FOXP1: variants seen among roughly 807,000 people sequenced by gnomAD.
FOXP1 encodes the protein forkhead box P1.
A neutral mutation model predicts 98.2 loss-of-function variants in FOXP1; 15 were observed. The ratio of observed to expected loss-of-function variants is 0.15; its 90% CI spans 0.10 to 0.24. The LOEUF (loss-of-function observed/expected upper bound fraction) is 0.24, where lower values mean the gene tolerates loss of function less well. FOXP1 is among the 10% of genes least tolerant of loss of function. FOXP1 has a pLI of 1.00. For missense variants in FOXP1, 633 were observed against 848.5 expected, an observed-to-expected ratio of 0.75 and a Z score of 3.15; for synonymous variants, 371 against 314.5, an observed-to-expected ratio of 1.18 and a Z score of -1.90.
chr3:71,550,426 G>T (rs74533049), intron 2 of FOXP1, among the ~76,000 whole-genome samples: 81 of 152,190 alleles, frequency 5.3e-4, no homozygotes, highest in Admixed American at 1.2e-3. Flanking sequence ...ATCTCACTGA[G>T]GCCTGGTGAC....
At chr3:71,537,263 C>G (rs183676869) in intron 2 of FOXP1, among the ~76,000 whole-genome samples, 1 of 152,196 alleles carries the variant, frequency 6.6e-6, no homozygotes. Flanking sequence ...TCAGTTCCAG[C>G]TGGATTTAGG....
intron 5 of FOXP1, among the ~76,000 whole-genome samples, chr3:71,253,923 C>A (rs781721699): frequency 6.6e-6 from 1 of 152,080 alleles, no homozygotes; most frequent in Admixed American, 6.6e-5. Context: ...GAGGTAGTTA[C>A]GATTTTAAAA....
At chr3:71,339,709 T>C (rs1433406349) in intron 4 of FOXP1, among the ~76,000 whole-genome samples, 4 of 152,212 alleles carry the variant, frequency 2.6e-5, no homozygotes, top group Non-Finnish European at 5.9e-5. Context: ...AGCAGTATGG[T>C]ACAAGAATAG....
intron 6 of FOXP1, among the ~76,000 whole-genome samples, chr3:71,162,510 C>T (rs2061189344): frequency 6.6e-6 from 1 of 152,146 alleles, no homozygotes; most frequent in Non-Finnish European, 1.5e-5. Flanking sequence ...GAATAACTGC[C>T]CATTCCAATC....
chr3:71,068,369 G>A (rs769762816), intron 7 of FOXP1, among the ~76,000 whole-genome samples: 4 of 152,200 alleles, frequency 2.6e-5, no homozygotes. Context: ...ATTCAGAGCT[G>A]AGAATGGAGA....
intron 19 of FOXP1, among the ~76,000 whole-genome samples, chr3:70,968,076 G>T (rs892475554): frequency 6.6e-6 from 1 of 152,272 alleles, no homozygotes; most frequent in Non-Finnish European, 1.5e-5. Context: ...CAAGGCCATT[G>T]CTGATTGGGA....
At position 70,954,784 on chromosome 3, in the gene FOXP1, A is replaced by G; in HGVS notation, c.*4463T>C. 1 of 231,496 alleles carries G rather than the reference A, an allele frequency of 4.3e-6. No homozygotes were observed. The highest frequency in any genetic ancestry group is 6.1e-5 in the East Asian group (1 of 16,354). 14.3% of individuals were successfully genotyped at this position (231,496 alleles called of 1,614,324 possible). On this transcript the variant is annotated 3_prime_UTR_variant, in exon 21 of 21. Transcript: ENST00000649528. Reference sequence around the variant, plus strand: ...ATAATGTCAGTAATTAGTACTGACTACACAACATTTTTTTTATTGTCTGTA... The same window carrying G: ...ATAATGTCAGTAATTAGTACTGACTGCACAACATTTTTTTTATTGTCTGTA...
intron 7 of FOXP1, among the ~76,000 whole-genome samples, chr3:71,066,091 CAA>C (rs34279433): frequency 0.012 from 1,305 of 104,998 alleles, 17 homozygotes; most frequent in Middle Eastern, 0.02. Flanking sequence ...TATTTGCCTT[CAA>C]AAAAAAAAAA....
intron 5 of FOXP1, among the ~76,000 whole-genome samples, chr3:71,234,546 G>T (rs367751716): frequency 1.3e-5 from 2 of 152,198 alleles, no homozygotes; most frequent in African/African-American, 4.8e-5. Context: ...ACATCCCCAA[G>T]AACAACTCTT....
intron 3 of FOXP1, among the ~76,000 whole-genome samples, chr3:71,380,458 A>C (rs1273904820): frequency 1.3e-5 from 2 of 152,234 alleles, no homozygotes; most frequent in African/African-American, 4.8e-5. Context: ...GGCTTCCCAG[A>C]AAATATTGCT....
At chr3:71,229,569 T>C (rs1051068223) in intron 5 of FOXP1, among the ~76,000 whole-genome samples, 3 of 152,170 alleles carry the variant, frequency 2.0e-5, no homozygotes, top group African/African-American at 7.2e-5. Context: ...AGTATATACT[T>C]AATGTTGAAT....
chr3:71,481,911 C>G (rs1227405062), intron 3 of FOXP1, among the ~76,000 whole-genome samples: 1 of 152,082 alleles, frequency 6.6e-6, no homozygotes, highest in Non-Finnish European at 1.5e-5. Context: ...TGAAAACGCC[C>G]CACTCCACAA....
intron 6 of FOXP1, among the ~76,000 whole-genome samples, chr3:71,161,108 A>T (rs2061111153): frequency 6.6e-6 from 1 of 152,242 alleles, no homozygotes; most frequent in Non-Finnish European, 1.5e-5. Flanking sequence ...AGAAGGTCTA[A>T]GAAAATGTAG....
intron 7 of FOXP1, among the ~76,000 whole-genome samples, chr3:71,059,836 G>A (rs2051226582): frequency 1.3e-5 from 2 of 152,152 alleles, no homozygotes; most frequent in Non-Finnish European, 2.9e-5. Flanking sequence ...GGAAAAGGAA[G>A]AGGCCTTGGC....
intron 2 of FOXP1, among the ~76,000 whole-genome samples, chr3:71,526,039 T>C (rs1302562826): frequency 2.0e-5 from 3 of 152,158 alleles, no homozygotes; most frequent in Non-Finnish European, 4.4e-5. Context: ...GACAACTGCT[T>C]GAATCCAGGA....
chr3:71,468,977 TGAGGCCTGTC>T (rs1016939834), intron 3 of FOXP1, among the ~76,000 whole-genome samples: 6 of 152,194 alleles, frequency 3.9e-5, no homozygotes, highest in African/African-American at 1.4e-4. Context: ...CAGGGATGTT[TGAGGCCTGTC>T]GAATACTTCC....
chr3:71,567,771 T>C (rs1559540417), intron 2 of FOXP1: 1 of 151,578 alleles, frequency 6.6e-6, no homozygotes, highest in Non-Finnish European at 1.5e-5. Flanking sequence ...AACTAACACT[T>C]TGGGATAAAA....
intron 13 of FOXP1, among the ~76,000 whole-genome samples, chr3:70,988,872 A>T (rs2040173390): frequency 6.6e-6 from 1 of 152,202 alleles, no homozygotes; most frequent in Non-Finnish European, 1.5e-5. Flanking sequence ...TCTGTAAAAG[A>T]AGTGGGAAAT....
intron 3 of FOXP1, among the ~76,000 whole-genome samples, chr3:71,373,547 A>G (rs2079496196): frequency 6.6e-6 from 1 of 152,230 alleles, no homozygotes; most frequent in East Asian, 1.9e-4. Flanking sequence ...ATTTTTCTAT[A>G]GTTATAAAAA....
Sources: allele counts gnomAD v4.1 joint callset (sites outside exome capture counted in the v4.1 genomes callset), GRCh38; gene constraint gnomAD v4.1.1; transcripts MANE v1.5; gene names NCBI Gene and HGNC (gene_info 2026-07-23, HGNC 2026-07-21).